NCKAP1L: variants seen among roughly 807,000 people sequenced by gnomAD.
NCKAP1L encodes the protein nck-associated protein 1-like.
NCKAP1L carries 53 observed loss-of-function variants against 139.2 expected under a neutral mutation model. That is an observed-to-expected ratio of 0.38 (90% CI 0.31 to 0.48). NCKAP1L has a LOEUF of 0.48. NCKAP1L is among the 20% of genes least tolerant of loss of function. NCKAP1L has a pLI of 0.98. For missense variants in NCKAP1L, 1,151 were observed against 1,381.9 expected (o/e 0.83, Z 2.65); for synonymous variants, 468 against 499.7 (o/e 0.94, Z 0.85).
intron 25 of NCKAP1L, 63 bp from the exon 26 acceptor site, chr12:54,532,107 C>A: frequency 1.6e-4 from 155 of 997,990 alleles, no homozygotes; most frequent in Non-Finnish European, 2.1e-4. Flanking sequence ...TTTTTTATTT[C>A]TACCTATTTT....
intron 4 of NCKAP1L, among the ~76,000 whole-genome samples, 180 bp from the exon 5 acceptor site, chr12:54,508,209 C>G (rs751224564): frequency 1.3e-5 from 2 of 152,204 alleles, no homozygotes; most frequent in Non-Finnish European, 2.9e-5. Context: ...ATATTGAGCT[C>G]ACTTTTAGCC....
intron 9 of NCKAP1L, 34 bp downstream of exon 9, chr12:54,512,139 G>T: frequency 6.2e-7 from 1 of 1,606,492 alleles, no homozygotes; most frequent in South Asian, 1.1e-5. Flanking sequence ...GATCTTCCTT[G>T]AATAGTTTTT....
intron 9 of NCKAP1L, among the ~76,000 whole-genome samples, chr12:54,514,053 A>T (rs765905105): frequency 6.6e-6 from 1 of 151,978 alleles, no homozygotes; most frequent in African/African-American, 2.4e-5. Context: ...GTAATTTTTA[A>T]AAAGCAATGG....
intron 13 of NCKAP1L, 47 bp from the exon 14 acceptor site, chr12:54,518,604 C>A (rs1427253616): frequency 1.4e-6 from 2 of 1,439,510 alleles, no homozygotes; most frequent in South Asian, 1.1e-5. Flanking sequence ...AGTTTCTGTC[C>A]TAGGGAACCT....
chr12:54,510,092 G>T, intron 7 of NCKAP1L, 107 bp downstream of exon 7: 1 of 1,401,816 alleles, frequency 7.1e-7, no homozygotes. Context: ...GAATGCTTTA[G>T]TCTTCTTCTA....
chr12:54,508,546 G>C lies in NCKAP1L; in HGVS notation c.506+15G>C. ...CATGGGCATGGGTGAGTTAAGGCGA[G>C]AGTATTATATGAAGAGTCTCATACA... On this transcript the variant is annotated intron_variant, in intron 5 of 30. Transcript: ENST00000293373. The C allele has an allele frequency of 6.2e-7, 1 of 1,613,702 alleles. No homozygotes were observed. Among genetic ancestry groups the C allele is most frequent in the South Asian group, 1.1e-5 (1 of 91,042 alleles).
At chr12:54,514,140 A>G (rs1956911260) in intron 9 of NCKAP1L, among the ~76,000 whole-genome samples, 1 of 152,194 alleles carries the variant, frequency 6.6e-6, no homozygotes, top group African/African-American at 2.4e-5. Flanking sequence ...ATATCAGTCT[A>G]TAGAGACTTA....
chr12:54,509,937 C>T lies in NCKAP1L; in HGVS notation c.687C>T (p.Ser229=), dbSNP rs1956874155. The change falls in exon 7 of 31, where the codon AGC becomes AGT. Residue 229 remains serine, a synonymous_variant. Coordinates refer to ENST00000293373, the MANE Select transcript of NCKAP1L (RefSeq NM_005337.5). ...AGTGGCGCAGTGCCCAACTTCTAAG[C>T]CTCATCAGCAACCCCCCAGCCATGA... ...AEQWRSAQLL[S]LISNPPAMIN... 1.2e-6 allele frequency: 2 copies of T among 1,614,254 alleles called. No homozygotes were observed. Among genetic ancestry groups the T allele is most frequent in the East Asian group, 2.2e-5 (1 of 44,894 alleles).
At position 54,543,975 on chromosome 12, in the gene NCKAP1L, C is replaced by G. The variant is rs1416868731; in HGVS notation, c.*1290C>G. 1 of 152,182 alleles carries G rather than the reference C, an allele frequency of 6.6e-6. No individual in the cohort carries two copies. Among genetic ancestry groups the G allele is most frequent in the South Asian group, 2.1e-4 (1 of 4,828 alleles). The allele number at this position is 152,182 out of a possible 1,614,324, so 9.4% of individuals were successfully genotyped here. On this transcript the variant is annotated 3_prime_UTR_variant, in exon 31 of 31. Coordinates refer to ENST00000293373, the MANE Select transcript of NCKAP1L (RefSeq NM_005337.5). The stretch of plus-strand genomic sequence containing the variant: ...TCGGTTTTCAGCAAAAACGATTCAG[C>G]CTTCCTGAAGCCTATTTGATAGCTG...
Position 54,520,544 on chromosome 12 carries a change from T to C in NCKAP1L, c.1626-150T>C, listed in dbSNP as rs1001484435. 5.3e-5 allele frequency: 41 copies of C among 779,852 alleles called. No individual in the cohort carries two copies. The Middle Eastern group carries it at 2.0e-3, about 37-fold the overall frequency. 48.3% of individuals were successfully genotyped at this position (779,852 alleles called of 1,614,324 possible). A position where few individuals can be genotyped will look rare whatever the true frequency, so the allele number is the denominator to read the frequency against. ...CAGAAATTAAGGAGAGAGTGGTAAA[T>C]ATCGGTAAATGTTTTTTGAAAGAAT... On this transcript the variant is annotated intron_variant, in intron 16 of 30. Transcript: ENST00000293373.
rs1048891473 is a variant in NCKAP1L at position 54,528,382 on chromosome 12, G to A, written c.2506+5G>A. 6.2e-7 allele frequency: 1 copy of A among 1,612,974 alleles called. No individual in the cohort carries two copies. Among genetic ancestry groups the A allele is most frequent in the Non-Finnish European group, 8.5e-7 (1 of 1,179,600 alleles). On this transcript the variant is annotated splice_donor_5th_base_variant and intron_variant, in intron 22 of 30. Transcript: ENST00000293373. Reference sequence around the variant, plus strand: ...AGGAGTTCTCTGACATCTCTGGTGAGCTCAGGGCCTGGTCTTCTTGTCAAG... The same window carrying A: ...AGGAGTTCTCTGACATCTCTGGTGAACTCAGGGCCTGGTCTTCTTGTCAAG...
chr12:54,537,443 C>T (rs1383489780), intron 29 of NCKAP1L, among the ~76,000 whole-genome samples: 2 of 152,184 alleles, frequency 1.3e-5, no homozygotes, highest in African/African-American at 4.8e-5. Flanking sequence ...CCTTGGTATG[C>T]ATCAGAATAT....
chr12:54,524,105 T>TC, intron 20 of NCKAP1L, 149 bp downstream of exon 20: 1 of 838,186 alleles, frequency 1.2e-6, no homozygotes, highest in Non-Finnish European at 1.8e-6. Context: ...TTGCAGTCAG[T>TC]CTAGCATAGG....
rs1361166982 is a variant in NCKAP1L, at chr12:54,543,003, C to T, written c.*318C>T. On this transcript the variant is annotated 3_prime_UTR_variant, in exon 31 of 31. Coordinates refer to ENST00000293373, the MANE Select transcript of NCKAP1L (RefSeq NM_005337.5). ...TCTTCTGGTGACTTGAGCTTGAGCT[C>T]TGACAGGCATGGGCCTCTCCGACCT... is the stretch of plus-strand genomic sequence containing the variant. The T allele has an allele frequency of 3.2e-5, 8 of 253,706 alleles. No individual in the cohort carries two copies. The highest frequency in any genetic ancestry group is 6.1e-5 in the Non-Finnish European group (8 of 131,262). 15.7% of individuals were successfully genotyped at this position (253,706 alleles called of 1,614,324 possible).
intron 3 of NCKAP1L, among the ~76,000 whole-genome samples, chr12:54,503,591 T>TA (rs1956818456): frequency 6.6e-6 from 1 of 151,692 alleles, no homozygotes. Context: ...CTGTAGCTGT[T>TA]AAAGTATACA....
chr12:54,526,406 C>T (rs1213420465), intron 20 of NCKAP1L, 122 bp from the exon 21 acceptor site: 38 of 731,036 alleles, frequency 5.2e-5, no homozygotes, highest in Non-Finnish European at 2.3e-6. Flanking sequence ...ATGAGGTTTA[C>T]ATGAGATAAT....
chr12:54,512,031 C>T lies in NCKAP1L; in HGVS notation c.867C>T (p.Leu289=), dbSNP rs2458409. Residue 289 remains leucine (L), a synonymous_variant, in exon 9 of 31, where the codon CTC becomes CTT. Coordinates refer to ENST00000293373, the MANE Select transcript of NCKAP1L (RefSeq NM_005337.5). ...GGAAGCTGTGTCTGCAGGGCTCCCT[C>T]TACATCACCCTTATCCGTGAGGATG... ...KLWKLCLQGS[L]YITLIREDVL... is the part of the protein sequence containing the mutation. The T allele has an allele frequency of 6.2e-6, 10 of 1,614,016 alleles. 1 individual carries two copies. The South Asian group carries it at 1.1e-4, about 18-fold the overall frequency.
Position 54,546,111 on chromosome 12 carries a change from C to A in NCKAP1L, c.*3426C>A, listed in dbSNP as rs934928161. On this transcript the variant is annotated 3_prime_UTR_variant, in exon 31 of 31. Transcript: ENST00000293373. ...TGGTGGCTGTTGTCTGTAATCCCAA[C>A]ACTTTGGGAGGCTGAGGCCAGTGGA... 3 of 152,258 alleles carry A rather than the reference C, an allele frequency of 2.0e-5. No homozygotes were observed. The highest frequency in any genetic ancestry group is 2.9e-5 in the Non-Finnish European group (2 of 68,120). 9.4% of individuals were successfully genotyped at this position (152,258 alleles called of 1,614,324 possible).
At chr12:54,513,337 A>G (rs927825409) in intron 9 of NCKAP1L, among the ~76,000 whole-genome samples, 1 of 152,230 alleles carries the variant, frequency 6.6e-6, no homozygotes, top group African/African-American at 2.4e-5. Context: ...TCTGTGGGAC[A>G]CTGAAGACAG....
Sources: gnomAD v4.1 joint callset for allele counts (sites outside exome capture counted in the v4.1 genomes callset) on GRCh38, gnomAD v4.1.1 for gene constraint, MANE v1.5 for transcripts, NCBI Gene and HGNC (gene_info 2026-07-23, HGNC 2026-07-21) for gene names.